Variants in KCNIP4 observed in about 807,000 individuals in gnomAD.
The protein encoded by KCNIP4 is Kv channel-interacting protein 4.
Under a neutral mutation model 34.0 loss-of-function variants are expected in KCNIP4, and 12 were observed. The observed-to-expected ratio is 0.35, with a 90% confidence interval of 0.23 to 0.57. The LOEUF (loss-of-function observed/expected upper bound fraction) is 0.57. Ranked by LOEUF, KCNIP4 falls within the 20% of genes least tolerant of loss-of-function variation. KCNIP4 has a pLI of 0.83. For synonymous variants in KCNIP4, 124 were observed against 102.2 expected (o/e 1.21, Z -1.29); for missense variants, 238 against 311.7 (o/e 0.76, Z 1.78).
chr4:20,949,329 T>A (rs1560593720), intron 1 of KCNIP4, among the ~76,000 whole-genome samples: 1 of 152,248 alleles, frequency 6.6e-6, no homozygotes. Context: ...TCTAACAGAT[T>A]CTTTGCAGCA....
chr4:20,955,007 C>T (rs567850397), intron 1 of KCNIP4, among the ~76,000 whole-genome samples: 101 of 152,176 alleles, frequency 6.6e-4, no homozygotes, highest in Non-Finnish European at 1.2e-3. Context: ...TGGATTTCAG[C>T]TCCACTTGAA....
chr4:21,486,262 G>A (rs187854887), intron 1 of KCNIP4, among the ~76,000 whole-genome samples: 4 of 151,984 alleles, frequency 2.6e-5, no homozygotes, highest in Non-Finnish European at 5.9e-5. Context: ...GTTCTTTTTT[G>A]GAATACTGTG....
At chr4:21,730,141 A>T (rs1715483536) in intron 1 of KCNIP4, 1 of 152,148 alleles carries the variant, frequency 6.6e-6, no homozygotes, top group Non-Finnish European at 1.5e-5. Context: ...AATATTCAGT[A>T]TTGCAACACG....
intron 1 of KCNIP4, among the ~76,000 whole-genome samples, chr4:21,842,887 T>A (rs1430816500): frequency 6.6e-6 from 1 of 152,126 alleles, no homozygotes; most frequent in African/African-American, 2.4e-5. Flanking sequence ...AAGATAGCCA[T>A]TCTACCAACC....
chr4:20,788,464 G>T (rs895966837), intron 3 of KCNIP4, among the ~76,000 whole-genome samples: 2 of 152,116 alleles, frequency 1.3e-5, no homozygotes, highest in East Asian at 3.8e-4. Flanking sequence ...GCAGTTCATG[G>T]CAGAAGAAGA....
chr4:21,792,387 T>C (rs936112144), intron 1 of KCNIP4, among the ~76,000 whole-genome samples: 1 of 152,226 alleles, frequency 6.6e-6, no homozygotes, highest in South Asian at 2.1e-4. Context: ...TATAAAATAA[T>C]GGCATATATA....
In KCNIP4 at chr4:21,841,222, C is replaced by T. The variant is rs200918554; in HGVS notation, c.61+107349G>A. 4.6e-5 allele frequency among the ~76,000 whole-genome samples: 7 copies of T among 152,102 alleles called. No individual in the cohort carries two copies. In the East Asian group the frequency reaches 5.8e-4, roughly 13 times the overall value. Reference sequence around the variant, plus strand: ...AGGCAGAGATCACCAACATTCTTAACGTCAAAACATTCTACCATTTTACTT... The same window carrying T: ...AGGCAGAGATCACCAACATTCTTAATGTCAAAACATTCTACCATTTTACTT... On this transcript the variant is annotated intron_variant, in intron 1 of 8. Transcript: ENST00000382152.
rs750147049 is a variant in KCNIP4, at chr4:20,734,774, TAAAAAAACAAAAACA to T, written c.430-54_430-40del. Reference sequence around the variant, plus strand: ...AAAATTCAATTTTATATGACATTTTTAAAAAAACAAAAACAAAAAAAACAAATGATGTAAGTAAGG... The same window carrying T: ...AAAATTCAATTTTATATGACATTTTTAAAAAAACAAATGATGTAAGTAAGG... On this transcript the variant is annotated intron_variant, in intron 5 of 8. Transcript: ENST00000382152. The T allele has an allele frequency of 1.8e-5, 23 of 1,290,826 alleles. 1 individual carries two copies. The highest frequency in any genetic ancestry group is 2.5e-5 in the Non-Finnish European group (23 of 923,980). 80.0% of individuals were successfully genotyped at this position (1,290,826 alleles called of 1,614,324 possible).
intron 1 of KCNIP4, among the ~76,000 whole-genome samples, chr4:21,261,263 C>A (rs116259581): frequency 6.6e-6 from 1 of 152,082 alleles, no homozygotes; most frequent in Non-Finnish European, 1.5e-5. Context: ...AAGCAAATAT[C>A]ATTGCGTAAA....
intron 1 of KCNIP4, among the ~76,000 whole-genome samples, chr4:21,480,215 A>C (rs1448950577): frequency 6.6e-6 from 1 of 152,010 alleles, no homozygotes; most frequent in African/African-American, 2.4e-5. Context: ...CCAAATTTCC[A>C]AAAACTAGCT....
chr4:21,492,225 C>A (rs1732469321), intron 1 of KCNIP4, among the ~76,000 whole-genome samples: 1 of 151,214 alleles, frequency 6.6e-6, no homozygotes, highest in Non-Finnish European at 1.5e-5. Flanking sequence ...TATACATATA[C>A]TTTTTTGTTT....
intron 1 of KCNIP4, among the ~76,000 whole-genome samples, chr4:21,917,611 T>A (rs9997450): frequency 6.6e-6 from 1 of 152,028 alleles, no homozygotes; most frequent in South Asian, 2.1e-4. Context: ...AACCCTGGAC[T>A]GTCTAATCCA....
intron 1 of KCNIP4, among the ~76,000 whole-genome samples, chr4:21,312,824 C>T (rs1285891098): frequency 6.6e-6 from 1 of 152,178 alleles, no homozygotes; most frequent in African/African-American, 2.4e-5. Context: ...CATAACCTAG[C>T]TCCCATCTTT....
chr4:21,464,062 C>CCACTCCCATTTTTGAAT (rs1441661239), intron 1 of KCNIP4, among the ~76,000 whole-genome samples: 2 of 151,882 alleles, frequency 1.3e-5, no homozygotes, highest in African/African-American at 4.8e-5. Flanking sequence ...AGTGATGTCT[C>CCACTCCCATTTTTGAAT]CACTCCCATT....
intron 1 of KCNIP4, among the ~76,000 whole-genome samples, chr4:20,989,557 A>G (rs1458943178): frequency 6.6e-6 from 1 of 152,218 alleles, no homozygotes; most frequent in Non-Finnish European, 1.5e-5. Flanking sequence ...GAAGCAAGCC[A>G]TCAGGATGGT....
intron 3 of KCNIP4, among the ~76,000 whole-genome samples, chr4:20,768,135 T>G (rs1400824455): frequency 6.6e-6 from 1 of 152,200 alleles, no homozygotes; most frequent in Non-Finnish European, 1.5e-5. Context: ...TCTTTAGAGT[T>G]AGTAAATACA....
intron 1 of KCNIP4, among the ~76,000 whole-genome samples, chr4:21,461,636 T>C (rs1391066030): frequency 6.6e-6 from 1 of 152,032 alleles, no homozygotes; most frequent in Non-Finnish European, 1.5e-5. Context: ...TCTAGACTTT[T>C]TCCTAACATT....
At chr4:21,936,767 T>A (rs982697345) in intron 1 of KCNIP4, among the ~76,000 whole-genome samples, 1 of 152,114 alleles carries the variant, frequency 6.6e-6, no homozygotes, top group Non-Finnish European at 1.5e-5. Context: ...CTGCAGCAGT[T>A]CATTCTATTA....
At chr4:21,283,420 C>G (rs556883361) in intron 1 of KCNIP4, among the ~76,000 whole-genome samples, 1 of 152,068 alleles carries the variant, frequency 6.6e-6, no homozygotes, top group East Asian at 1.9e-4. Flanking sequence ...TTAACGTTTT[C>G]TCTCTCATGC....
Sources: gnomAD v4.1 joint callset for allele counts (sites outside exome capture counted in the v4.1 genomes callset) on GRCh38, gnomAD v4.1.1 for gene constraint, MANE v1.5 for transcripts, NCBI Gene and HGNC (gene_info 2026-07-23, HGNC 2026-07-21) for gene names.